The following PIK3AP1 variants were observed in gnomAD, a reference collection of about 807,000 sequenced individuals.
PIK3AP1 encodes the protein phosphoinositide 3-kinase adapter protein 1.
In PIK3AP1, 21 loss-of-function variants were observed where a neutral mutation model predicts 88.1. The ratio of observed to expected loss-of-function variants is 0.24; its 90% CI spans 0.17 to 0.34. The LOEUF (loss-of-function observed/expected upper bound fraction) is 0.34, where lower values mean the gene tolerates loss of function less well. Ranked by LOEUF, PIK3AP1 falls within the 10% of genes least tolerant of loss-of-function variation. The pLI is 1.00. For missense variants in PIK3AP1, 828 were observed against 1,035.7 expected (o/e 0.80, Z 2.75); for synonymous variants, 398 against 400.0 (o/e 1.00, Z 0.06).
Position 96,637,098 on chromosome 10 carries a change from C to A in PIK3AP1, c.1375+8375G>T, listed in dbSNP as rs535163346. 5.3e-5 allele frequency among the ~76,000 whole-genome samples: 8 copies of A among 152,204 alleles called. 1 individual carries two copies. In the East Asian group the frequency reaches 1.5e-3, roughly 29 times the overall value. ...GAAAGTAGGCCAAAAGAATTTTTTT[C>A]TCCAGCAAGAATCTTTTGTGGCCAA... On this transcript the variant is annotated intron_variant, in intron 8 of 16. Coordinates refer to ENST00000339364, the MANE Select transcript of PIK3AP1 (RefSeq NM_152309.3).
At chr10:96,597,538 C>T (rs1848797378) in intron 16 of PIK3AP1, among the ~76,000 whole-genome samples, 1 of 152,112 alleles carries the variant, frequency 6.6e-6, no homozygotes, top group South Asian at 2.1e-4. Flanking sequence ...CTCTACAGAG[C>T]AATTTGGTAA....
rs35544369 is a variant in PIK3AP1 at position 96,676,654 on chromosome 10, GTT to G, written c.431-19722_431-19721del. Among the ~76,000 whole-genome samples the G allele has an allele frequency of 4.3e-3, 573 of 132,994 alleles. 3 individuals carry two copies. The highest frequency in any genetic ancestry group is 0.011 in the African/African-American group (412 of 35,906). 87.2% of individuals were successfully genotyped at this position (132,994 alleles called of 152,430 possible). On this transcript the variant is annotated intron_variant, in intron 2 of 16. Transcript: ENST00000339364. Reference sequence around the variant, plus strand: ...AAAACACACACGGGGATTTTCTGGGGTTTTTTTTTTTTTTTTTTGAAAGAATG... The same window carrying G: ...AAAACACACACGGGGATTTTCTGGGGTTTTTTTTTTTTTTTTGAAAGAATG...
chr10:96,628,625 A>G, intron 8 of PIK3AP1, 132 bp from the exon 9 acceptor site: 1 of 755,800 alleles, frequency 1.3e-6, no homozygotes, highest in Admixed American at 2.3e-5. Context: ...CCATCCCTCC[A>G]TCCATCCACC....
At chr10:96,631,398 G>A (rs536405808) in intron 8 of PIK3AP1, among the ~76,000 whole-genome samples, 23 of 152,266 alleles carry the variant, frequency 1.5e-4, no homozygotes, top group African/African-American at 4.8e-4. Flanking sequence ...TTTGCATGTC[G>A]GAGAGGTAGG....
intron 2 of PIK3AP1, chr10:96,700,909 C>G (rs2134283182): frequency 2.0e-6 from 2 of 983,598 alleles, no homozygotes; most frequent in East Asian, 1.1e-4. Flanking sequence ...CGCGCCAAGG[C>G]CAGGCTCTGA....
At chr10:96,596,179 C>T (rs1384258437) in intron 16 of PIK3AP1, among the ~76,000 whole-genome samples, 3 of 152,200 alleles carry the variant, frequency 2.0e-5, no homozygotes, top group Admixed American at 6.5e-5. Context: ...CATCCACTTG[C>T]CCTTATCACC....
At chr10:96,632,869 A>T in intron 8 of PIK3AP1, 1 of 1,610,326 alleles carries the variant, frequency 6.2e-7, no homozygotes, top group Non-Finnish European at 8.5e-7. Context: ...TTTAGGTTCA[A>T]TCGAACATTC....
intron 8 of PIK3AP1, among the ~76,000 whole-genome samples, chr10:96,641,354 CA>C (rs748212819): frequency 2.0e-5 from 3 of 152,180 alleles, no homozygotes; most frequent in Non-Finnish European, 4.4e-5. Flanking sequence ...TTTGTCCCAA[CA>C]ACAGTTAGGT....
intron 2 of PIK3AP1, among the ~76,000 whole-genome samples, chr10:96,665,357 C>T (rs111463173): frequency 3.9e-5 from 6 of 152,188 alleles, no homozygotes; most frequent in Non-Finnish European, 7.3e-5. Context: ...AAGGAACGAG[C>T]GAACATTGGT....
intron 6 of PIK3AP1, among the ~76,000 whole-genome samples, chr10:96,650,157 G>A (rs1422629759): frequency 6.6e-6 from 1 of 152,088 alleles, no homozygotes; most frequent in African/African-American, 2.4e-5. Flanking sequence ...ATCTACAAAA[G>A]TGCTGCAAGA....
In PIK3AP1 at chr10:96,709,949, G is replaced by A; in HGVS notation, c.48C>T (p.Tyr16=). The change falls in exon 2 of 17, where the codon TAC becomes TAT. Residue 16 remains tyrosine (Y), a synonymous_variant. Transcript: ENST00000339364. ...VPRGCDILIV[Y]SPDAEEWCQY... ...GGCACCATTCCTCGGCATCCGGGCT[G>A]TAGACGATGAGGATGTCGCATCCTC... 1 of 1,600,518 alleles carries A rather than the reference G, an allele frequency of 6.2e-7. No homozygotes were observed. The highest frequency in any genetic ancestry group is 8.5e-7 in the Non-Finnish European group (1 of 1,170,042).
At chr10:96,711,262 G>T (rs1844433960) in intron 1 of PIK3AP1, among the ~76,000 whole-genome samples, 1 of 152,208 alleles carries the variant, frequency 6.6e-6, no homozygotes, top group Non-Finnish European at 1.5e-5. Context: ...CAACTCACCT[G>T]CACCACCCAT....
At chr10:96,659,166 A>G (rs537056081) in intron 2 of PIK3AP1, among the ~76,000 whole-genome samples, 1 of 151,828 alleles carries the variant, frequency 6.6e-6, no homozygotes, top group Non-Finnish European at 1.5e-5. Flanking sequence ...GTTTCAGTTA[A>G]TTATTATTAG....
intron 2 of PIK3AP1, among the ~76,000 whole-genome samples, chr10:96,697,195 T>A (rs1844232280): frequency 6.6e-6 from 1 of 152,206 alleles, no homozygotes; most frequent in African/African-American, 2.4e-5. Flanking sequence ...GTAGCTGTTC[T>A]CTCGTTATAG....
chr10:96,717,531 G>T (rs1844518115), intron 1 of PIK3AP1, among the ~76,000 whole-genome samples: 1 of 152,314 alleles, frequency 6.6e-6, no homozygotes, highest in African/African-American at 2.4e-5. Flanking sequence ...CAAGAGTATT[G>T]AGAGGCCTCA....
At position 96,720,194 on chromosome 10, in the gene PIK3AP1, C is replaced by A. The variant is rs1844553026; in HGVS notation, c.13+188G>T. On this transcript the variant is annotated intron_variant, in intron 1 of 16. Coordinates refer to ENST00000339364, the MANE Select transcript of PIK3AP1 (RefSeq NM_152309.3). The surrounding 1 kb of genome is among the most constrained non-coding windows in gnomAD (Gnocchi z 4.6). ...GGGCTGAAGAGAATCGCGCCACAGG[C>A]TGGGACGGGAAACGTGGGAAAGTTG... is the stretch of plus-strand genomic sequence containing the variant. Among the ~76,000 whole-genome samples, 1 of 152,156 alleles carries A rather than the reference C, an allele frequency of 6.6e-6. No homozygotes were observed. The highest frequency in any genetic ancestry group is 2.1e-4 in the South Asian group (1 of 4,820).
chr10:96,625,566 A>G (rs988960357), intron 10 of PIK3AP1, among the ~76,000 whole-genome samples: 10 of 152,188 alleles, frequency 6.6e-5, no homozygotes, highest in Non-Finnish European at 1.0e-4. Context: ...CTCATTTGCC[A>G]TTTATTTGAA....
At chr10:96,661,622 A>C (rs556746220) in intron 2 of PIK3AP1, among the ~76,000 whole-genome samples, 60 of 152,162 alleles carry the variant, frequency 3.9e-4, no homozygotes, top group Admixed American at 7.2e-4. Context: ...AAAATATAAA[A>C]TCTACTCAAA....
chr10:96,682,007 TATATATAGAG>T (rs1438753896), intron 2 of PIK3AP1, among the ~76,000 whole-genome samples: 7 of 125,018 alleles, frequency 5.6e-5, no homozygotes, highest in East Asian at 2.1e-4. Flanking sequence ...TATATATATA[TATATATAGAG>T]AGAGAGAGAG....
Sources: gnomAD v4.1 joint callset for allele counts (sites outside exome capture counted in the v4.1 genomes callset) on GRCh38, gnomAD v4.1.1 for gene constraint, Gnocchi (gnomAD v3.1) non-coding constraint, MANE v1.5 for transcripts, NCBI Gene and HGNC (gene_info 2026-07-23, HGNC 2026-07-21) for gene names.